The following GPC5 variants were observed in gnomAD, a reference collection of about 807,000 sequenced individuals.
GPC5 encodes glypican 5.
A neutral mutation model predicts 53.9 loss-of-function variants in GPC5; 47 were observed. That is an observed-to-expected ratio of 0.87 (90% confidence interval 0.69 to 1.11). The LOEUF (loss-of-function observed/expected upper bound fraction) is 1.11. GPC5 is among the 50% of genes most tolerant of loss of function. The probability of loss-of-function intolerance (pLI) is 0.00; values close to 1 mark genes in which losing one functional copy is unlikely to be tolerated. For missense variants in GPC5, 748 were observed against 713.1 expected (o/e 1.05, Z -0.56); for synonymous variants, 286 against 263.3 (o/e 1.09, Z -0.84).
At chr13:92,022,386 A>G (rs1296562663) in intron 6 of GPC5, among the ~76,000 whole-genome samples, 2 of 152,176 alleles carry the variant, frequency 1.3e-5, no homozygotes, top group Admixed American at 6.5e-5. Flanking sequence ...AAAAGTAAAA[A>G]TAACATATGA....
At chr13:92,618,948 C>T (rs1483901745) in intron 7 of GPC5, among the ~76,000 whole-genome samples, 1 of 151,874 alleles carries the variant, frequency 6.6e-6, no homozygotes, top group South Asian at 2.1e-4. Context: ...CTCACATGTT[C>T]AGTAACCAAA....
chr13:91,647,062 T>C (rs1171314291), intron 2 of GPC5, among the ~76,000 whole-genome samples: 1 of 136,088 alleles, frequency 7.3e-6, no homozygotes, highest in Non-Finnish European at 1.6e-5. Flanking sequence ...AAGGATAATA[T>C]ATATATGCGT....
At chr13:92,089,055 G>A (rs1233855730) in intron 6 of GPC5, among the ~76,000 whole-genome samples, 1 of 152,192 alleles carries the variant, frequency 6.6e-6, no homozygotes, top group Non-Finnish European at 1.5e-5. Flanking sequence ...TAGAGGAATG[G>A]AGAAGTACGA....
At chr13:92,220,618 A>G (rs2042442022) in intron 7 of GPC5, among the ~76,000 whole-genome samples, 1 of 152,220 alleles carries the variant, frequency 6.6e-6, no homozygotes, top group Non-Finnish European at 1.5e-5. Flanking sequence ...TTTTTAAATA[A>G]CATATTGAGA....
chr13:91,874,520 G>A (rs1285880126), intron 5 of GPC5, among the ~76,000 whole-genome samples: 2 of 152,094 alleles, frequency 1.3e-5, no homozygotes, highest in African/African-American at 4.8e-5. Context: ...ATAGTGCTGT[G>A]ATGAACATCT....
intron 3 of GPC5, among the ~76,000 whole-genome samples, chr13:91,701,417 A>C (rs1038861378): frequency 2.0e-5 from 3 of 152,124 alleles, no homozygotes; most frequent in Non-Finnish European, 4.4e-5. Flanking sequence ...TAGATTCTAC[A>C]TAAAAATGAG....
chr13:91,915,518 T>C (rs183835544), intron 6 of GPC5, among the ~76,000 whole-genome samples: 14 of 152,288 alleles, frequency 9.2e-5, no homozygotes, highest in African/African-American at 3.4e-4. Context: ...AATTTGACTT[T>C]TCATTTATGT....
chr13:91,520,394 C>T (rs1295455830), intron 2 of GPC5, among the ~76,000 whole-genome samples: 1 of 152,116 alleles, frequency 6.6e-6, no homozygotes, highest in Non-Finnish European at 1.5e-5. Flanking sequence ...ACATGATTGA[C>T]ATTTAAATCC....
At chr13:92,711,536 T>C (rs1266098967) in intron 7 of GPC5, among the ~76,000 whole-genome samples, 2 of 152,190 alleles carry the variant, frequency 1.3e-5, no homozygotes, top group East Asian at 3.9e-4. Context: ...CACTAATCGA[T>C]AGAACAACTA....
At chr13:92,124,000 GT>G (rs376186515) in intron 6 of GPC5, among the ~76,000 whole-genome samples, 5 of 151,758 alleles carry the variant, frequency 3.3e-5, no homozygotes, top group Admixed American at 2.0e-4. Context: ...TTAGGTTTTC[GT>G]TTTCAGCTTT....
intron 2 of GPC5, among the ~76,000 whole-genome samples, chr13:91,685,510 G>A (rs2035602417): frequency 6.6e-6 from 1 of 152,030 alleles, no homozygotes; most frequent in African/African-American, 2.4e-5. Flanking sequence ...ATTGATCTTT[G>A]GAAAACAGCA....
chr13:92,825,614 C>T (rs1346515919), intron 7 of GPC5, among the ~76,000 whole-genome samples: 1 of 152,040 alleles, frequency 6.6e-6, no homozygotes, highest in Non-Finnish European at 1.5e-5. Context: ...GTATGTATAT[C>T]AAATGAATAC....
At chr13:91,869,286 C>T (rs978917299) in intron 5 of GPC5, among the ~76,000 whole-genome samples, 1 of 151,982 alleles carries the variant, frequency 6.6e-6, no homozygotes, top group African/African-American at 2.4e-5. Context: ...GTCTCCAACT[C>T]CTGACCTCAT....
intron 7 of GPC5, among the ~76,000 whole-genome samples, chr13:92,702,175 A>G (rs1348077846): frequency 6.6e-6 from 1 of 152,086 alleles, no homozygotes; most frequent in Non-Finnish European, 1.5e-5. Context: ...TTAAACTTTT[A>G]ACAATGAAAA....
At chr13:91,925,480 T>C (rs990963705) in intron 6 of GPC5, among the ~76,000 whole-genome samples, 1 of 152,138 alleles carries the variant, frequency 6.6e-6, no homozygotes, top group Non-Finnish European at 1.5e-5. Context: ...ACCCACTAGG[T>C]GCTAGGTATT....
intron 7 of GPC5, among the ~76,000 whole-genome samples, chr13:92,842,851 T>G (rs1474329125): frequency 6.6e-6 from 1 of 152,160 alleles, no homozygotes; most frequent in Non-Finnish European, 1.5e-5. Flanking sequence ...TAAAAATGTT[T>G]ATAATACTTA....
intron 5 of GPC5, among the ~76,000 whole-genome samples, chr13:91,798,729 CAT>C (rs2038087366): frequency 6.6e-6 from 1 of 151,910 alleles, no homozygotes; most frequent in African/African-American, 2.4e-5. Context: ...AAAGAGATAC[CAT>C]TTGACCCAAA....
chr13:92,707,817 G>GTGA (rs757124066), intron 7 of GPC5, among the ~76,000 whole-genome samples: 24 of 152,210 alleles, frequency 1.6e-4, no homozygotes, highest in Admixed American at 7.2e-4. Flanking sequence ...AAGTTGCAAA[G>GTGA]TGATTGGAAG....
At chr13:92,429,959 A>G (rs1189517090) in intron 7 of GPC5, among the ~76,000 whole-genome samples, 7 of 152,096 alleles carry the variant, frequency 4.6e-5, no homozygotes, top group Non-Finnish European at 8.8e-5. Context: ...AAAATTGTGA[A>G]GAGAGTAGAT....
Sources: gnomAD v4.1 joint callset for allele counts (sites outside exome capture counted in the v4.1 genomes callset) on GRCh38, gnomAD v4.1.1 for gene constraint, MANE v1.5 for transcripts, NCBI Gene and HGNC (gene_info 2026-07-23, HGNC 2026-07-21) for gene names.